KDM4B: variants seen among roughly 807,000 people sequenced by gnomAD.
KDM4B encodes lysine-specific demethylase 4B.
A neutral mutation model predicts 125.2 loss-of-function variants in KDM4B; 32 were observed. That is an observed-to-expected ratio of 0.26 (90% CI 0.19 to 0.34). KDM4B has a LOEUF of 0.34. KDM4B is among the 10% of genes least tolerant of loss of function. The probability of loss-of-function intolerance (pLI) is 1.00; values close to 1 mark genes in which losing one functional copy is unlikely to be tolerated. For synonymous variants in KDM4B, 721 were observed against 677.9 expected, an observed-to-expected ratio of 1.06 and a Z score of -0.99; for missense variants, 1,190 against 1,577.7, an observed-to-expected ratio of 0.75 and a Z score of 4.16.
intron 18 of KDM4B, among the ~76,000 whole-genome samples, chr19:5,139,866 G>A (rs2039711120): frequency 6.6e-6 from 1 of 152,232 alleles, no homozygotes; most frequent in Admixed American, 6.5e-5. Context: ...GGCGTAGCGG[G>A]GCCTCATCGT....
chr19:4,990,919 G>A (rs1180482528), intron 1 of KDM4B, among the ~76,000 whole-genome samples: 2 of 152,042 alleles, frequency 1.3e-5, no homozygotes, highest in Non-Finnish European at 2.9e-5. Flanking sequence ...TCAGGAGTTC[G>A]AGACCAGCCT....
chr19:5,110,027 GGC>G (rs2145982654), intron 9 of KDM4B, among the ~76,000 whole-genome samples: 1 of 152,194 alleles, frequency 6.6e-6, no homozygotes, highest in East Asian at 1.9e-4. Context: ...CTGTGCGTGG[GGC>G]AGTGCCCAGT....
intron 10 of KDM4B, 124 bp downstream of exon 10, chr19:5,110,942 A>T (rs527808435): frequency 2.8e-6 from 2 of 713,746 alleles, no homozygotes; most frequent in African/African-American, 3.6e-5. Flanking sequence ...CTTTCTTCCT[A>T]TTCCCACCCC....
intron 2 of KDM4B, among the ~76,000 whole-genome samples, 187 bp from the exon 3 acceptor site, chr19:5,032,679 T>C (rs184769159): frequency 1.4e-3 from 209 of 152,318 alleles, no homozygotes; most frequent in African/African-American, 4.6e-3. Flanking sequence ...GTGCCTTTTA[T>C]GCTCAGCAGA....
intron 21 of KDM4B, among the ~76,000 whole-genome samples, chr19:5,145,536 A>G (rs894636711): frequency 2.0e-5 from 3 of 151,772 alleles, no homozygotes; most frequent in East Asian, 3.9e-4. Context: ...AGCCGAGATC[A>G]CACCACTGCA....
At chr19:5,020,934 G>A (rs1231720106) in intron 2 of KDM4B, among the ~76,000 whole-genome samples, 2 of 151,790 alleles carry the variant, frequency 1.3e-5, no homozygotes, top group East Asian at 3.9e-4. Context: ...ATCACCTGAG[G>A]TCAGGAGTTC....
At chr19:5,139,540 C>A (rs2039705330) in intron 18 of KDM4B, among the ~76,000 whole-genome samples, 1 of 152,218 alleles carries the variant, frequency 6.6e-6, no homozygotes, top group Non-Finnish European at 1.5e-5. Context: ...CCATCCGCAC[C>A]CCCCGGGTGC....
chr19:5,139,901 CT>C (rs1406253078), intron 18 of KDM4B, among the ~76,000 whole-genome samples: 4 of 152,256 alleles, frequency 2.6e-5, no homozygotes, highest in Non-Finnish European at 5.9e-5. Context: ...CTTCCTCCTG[CT>C]CTCAGCAATG....
At chr19:5,148,849 G>T (rs759612520) in intron 21 of KDM4B, among the ~76,000 whole-genome samples, 6 of 152,196 alleles carry the variant, frequency 3.9e-5, no homozygotes, top group Non-Finnish European at 4.4e-5. Flanking sequence ...TTCTCCCGGT[G>T]GCTTTCCTCT....
intron 9 of KDM4B, among the ~76,000 whole-genome samples, chr19:5,098,995 A>G (rs989336100): frequency 2.1e-4 from 32 of 152,318 alleles, no homozygotes; most frequent in African/African-American, 7.7e-4. Flanking sequence ...CCTCCAAGGA[A>G]TGTGCAGGGT....
At chr19:5,148,140 A>G (rs1019742612) in intron 21 of KDM4B, among the ~76,000 whole-genome samples, 2 of 152,224 alleles carry the variant, frequency 1.3e-5, no homozygotes, top group African/African-American at 2.4e-5. Flanking sequence ...AGACGTCACC[A>G]CAGGGAGCCC....
At chr19:4,982,600 T>G (rs1333912795) in intron 1 of KDM4B, among the ~76,000 whole-genome samples, 2 of 151,880 alleles carry the variant, frequency 1.3e-5, no homozygotes, top group Admixed American at 6.6e-5. Context: ...GTTCTCTCTC[T>G]CTCTCTCTCT....
At chr19:5,086,627 C>T (rs546005779) in intron 9 of KDM4B, among the ~76,000 whole-genome samples, 12 of 151,606 alleles carry the variant, frequency 7.9e-5, no homozygotes, top group East Asian at 7.8e-4. Context: ...TTGCACAGCT[C>T]GCAGGACAGC....
In KDM4B at chr19:5,132,051, G is replaced by A. The variant is rs370910757; in HGVS notation, c.1906+44G>A. On this transcript the variant is annotated intron_variant, in intron 13 of 22. Transcript: ENST00000159111. ...GGTCGGCTCTCATCAGCCCTGCTCC[G>A]CGCTCTGCTGCTGCTGGAGGGGGGG... The A allele has an allele frequency of 3.5e-4, 535 of 1,528,892 alleles. 2 individuals carry two copies. Among genetic ancestry groups the A allele is most frequent in the Middle Eastern group, 1.2e-3 (6 of 4,986 alleles). The allele number at this position is 1,528,892 out of a possible 1,614,324, so 94.7% of individuals were successfully genotyped here.
intron 21 of KDM4B, among the ~76,000 whole-genome samples, chr19:5,148,081 G>A (rs908521939): frequency 2.6e-5 from 4 of 152,248 alleles, no homozygotes; most frequent in African/African-American, 9.6e-5. Context: ...CTTGGAACAT[G>A]TTTCCCTCGC....
intron 1 of KDM4B, among the ~76,000 whole-genome samples, chr19:4,996,894 G>A (rs910859008): frequency 6.6e-6 from 1 of 152,320 alleles, no homozygotes; most frequent in South Asian, 2.1e-4. Flanking sequence ...CCTGGGCCCT[G>A]CAGGGTGCTG....
chr19:5,124,126 G>A (rs1370137208), intron 11 of KDM4B, among the ~76,000 whole-genome samples: 1 of 152,140 alleles, frequency 6.6e-6, no homozygotes, highest in South Asian at 2.1e-4. Flanking sequence ...CAGGAGATGG[G>A]TGAGTTATGG....
chr19:5,132,204 G>A (rs2039570620), intron 13 of KDM4B, among the ~76,000 whole-genome samples, 197 bp downstream of exon 13: 1 of 152,200 alleles, frequency 6.6e-6, no homozygotes, highest in African/African-American at 2.4e-5. Flanking sequence ...GGCAGCTGCT[G>A]TTAGAGATGC....
intron 9 of KDM4B, among the ~76,000 whole-genome samples, chr19:5,099,064 A>G (rs1368960191): frequency 6.6e-6 from 1 of 152,226 alleles, no homozygotes; most frequent in African/African-American, 2.4e-5. Flanking sequence ...CTTTCAGGGG[A>G]ACCTGGTCAC....
Sources: gnomAD v4.1 joint callset for allele counts (sites outside exome capture counted in the v4.1 genomes callset) on GRCh38, gnomAD v4.1.1 for gene constraint, MANE v1.5 for transcripts, NCBI Gene and HGNC (gene_info 2026-07-23, HGNC 2026-07-21) for gene names.